Variants in WBP2NL observed in about 807,000 individuals in gnomAD.
WBP2NL encodes WBP2 N-terminal like, also known as postacrosomal sheath WW domain-binding protein.
In WBP2NL, 27 loss-of-function variants were observed where a neutral mutation model predicts 23.3. The observed-to-expected ratio is 1.16, with a 90% confidence interval of 0.85 to 1.60. The LOEUF is 1.60. WBP2NL is among the 40% of genes most tolerant of loss of function. The probability of loss-of-function intolerance (pLI) is 0.00; values close to 1 mark genes in which losing one functional copy is unlikely to be tolerated. For missense variants in WBP2NL, 370 were observed against 389.5 expected (o/e 0.95, Z 0.42); for synonymous variants, 151 against 145.9 (o/e 1.03, Z -0.25).
chr22:42,051,006 T>G (rs1471162032), intron 8 of WBP2NL, among the ~76,000 whole-genome samples: 7 of 152,140 alleles, frequency 4.6e-5, no homozygotes, highest in African/African-American at 1.7e-4. Context: ...TCCAAATGAG[T>G]TGAAAATCTA....
At chr22:42,022,091 C>T (rs1005199144) in intron 4 of WBP2NL, among the ~76,000 whole-genome samples, 158 bp from the exon 5 acceptor site, 5 of 152,184 alleles carry the variant, frequency 3.3e-5, no homozygotes, top group Non-Finnish European at 7.3e-5. Flanking sequence ...TGAGCCACTT[C>T]ACCCAGCCCA....
intron 8 of WBP2NL, among the ~76,000 whole-genome samples, chr22:42,055,475 A>G (rs1432409704): frequency 6.6e-6 from 1 of 152,074 alleles, no homozygotes; most frequent in Non-Finnish European, 1.5e-5. Context: ...GTGCCTGGCA[A>G]TTTCAGTCTT....
At chr22:42,041,481 T>TAA (rs35848343) in intron 8 of WBP2NL, among the ~76,000 whole-genome samples, 158 of 112,788 alleles carry the variant, frequency 1.4e-3, no homozygotes, top group African/African-American at 4.5e-3. Flanking sequence ...GTTCTGTCTT[T>TAA]AAAAAAAAAA....
rs1283125007 is a variant in WBP2NL, at chr22:42,000,627, C to G, written c.62+1747C>G. On this transcript the variant is annotated intron_variant, in intron 1 of 5. Transcript: ENST00000328823. ...CACTGATAAATTGACAGCGAGGAGTCTGTCAAGAATGCTCAAGATAGCCGG... is the reference window on the plus strand; with the variant it reads ...CACTGATAAATTGACAGCGAGGAGTGTGTCAAGAATGCTCAAGATAGCCGG... 2.6e-5 allele frequency among the ~76,000 whole-genome samples: 4 copies of G among 152,110 alleles called. No individual in the cohort carries two copies. In the East Asian group the frequency reaches 7.7e-4, roughly 29 times the overall value.
downstream of WBP2NL, chr22:42,031,279 A>G (rs900530584): frequency 6.6e-6 from 1 of 152,192 alleles, no homozygotes; most frequent in Non-Finnish European, 1.5e-5. Flanking sequence ...TGTATATTCA[A>G]AGGACCCTGG....
chr22:42,052,058 A>G (rs571011754), intron 8 of WBP2NL, among the ~76,000 whole-genome samples: 1 of 152,294 alleles, frequency 6.6e-6, no homozygotes, highest in Admixed American at 6.5e-5. Context: ...TTCTCATTCT[A>G]TAAACCGGTC....
intron 1 of WBP2NL, among the ~76,000 whole-genome samples, chr22:42,012,868 T>C (rs1212970194): frequency 1.3e-5 from 2 of 151,912 alleles, no homozygotes; most frequent in Admixed American, 1.3e-4. Context: ...GGCACGCACC[T>C]GTAGTCCCAG....
chr22:42,052,083 G>T (rs538441539), intron 8 of WBP2NL, among the ~76,000 whole-genome samples: 1 of 152,118 alleles, frequency 6.6e-6, no homozygotes, highest in Admixed American at 6.5e-5. Context: ...TTTTTAGTAA[G>T]GAAAATCATC....
Position 42,027,008 on chromosome 22 carries a change from G to A in WBP2NL, c.757G>A (p.Gly253Arg), listed in dbSNP as rs1321970636. Residue 253 changes from glycine to arginine, a missense_variant, in exon 6 of 6, where the codon GGA becomes AGA. Transcript: ENST00000328823. ...ATATGGAACCCCACCTCTCGGATAT[G>A]GAGCCCCACCTCTCGGATATGGAGC... is the stretch of plus-strand genomic sequence containing the variant. ...LGYGTPPLGY[G>R]APPLGYGAPP... 6.2e-7 allele frequency: 1 copy of A among 1,610,144 alleles called. No individual in the cohort carries two copies. Among genetic ancestry groups the A allele is most frequent in the Non-Finnish European group, 8.5e-7 (1 of 1,176,958 alleles).
At position 42,019,814 on chromosome 22, in the gene WBP2NL, C is replaced by T; in HGVS notation, c.313+11C>T. On this transcript the variant is annotated intron_variant, in intron 3 of 5. Coordinates refer to ENST00000328823, the MANE Select transcript of WBP2NL (RefSeq NM_152613.3). Reference sequence around the variant, plus strand: ...AGGCAGCTCCATATGGTAAGTGTTCCCTCAGAAGTGTGTATTTTTTTTTCC... The same window carrying T: ...AGGCAGCTCCATATGGTAAGTGTTCTCTCAGAAGTGTGTATTTTTTTTTCC... The T allele has an allele frequency of 6.2e-7, 1 of 1,611,940 alleles. No homozygotes were observed. The highest frequency in any genetic ancestry group is 8.5e-7 in the Non-Finnish European group (1 of 1,179,316).
In WBP2NL at chr22:42,019,745, T is replaced by G. The variant is rs1923704560; in HGVS notation, c.255T>G (p.Val85=). The G allele has an allele frequency of 3.1e-6, 5 of 1,614,240 alleles. No individual in the cohort carries two copies. The African/African-American group carries it at 5.3e-5, about 17-fold the overall frequency. The change falls in exon 3 of 6, where the codon GTT becomes GTG. Residue 85 remains valine, a synonymous_variant. Transcript: ENST00000328823. Reference sequence around the variant, plus strand: ...TTGATCTGATGACGAACCTCACTGTTGAACAACCAGTATTTGCTGCAAACT... The same window carrying G: ...TTGATCTGATGACGAACCTCACTGTGGAACAACCAGTATTTGCTGCAAACT... ...MPFDLMTNLT[V]EQPVFAANFI...
At chr22:42,033,070 T>C (rs2213876), downstream of WBP2NL, 11,372 of 163,074 alleles carry the variant, frequency 0.07, 1,452 homozygotes, top group African/African-American at 0.26. Flanking sequence ...CTCATGCTAC[T>C]GGCCTGGATC....
chr22:42,022,834 C>T (rs1022770578), intron 5 of WBP2NL, among the ~76,000 whole-genome samples: 4 of 152,160 alleles, frequency 2.6e-5, no homozygotes, highest in Non-Finnish European at 4.4e-5. Flanking sequence ...TACTGGTGGG[C>T]CACCAAGGGT....
At chr22:42,050,195 T>G (rs1925786643) in intron 8 of WBP2NL, among the ~76,000 whole-genome samples, 3 of 151,948 alleles carry the variant, frequency 2.0e-5, no homozygotes, top group Non-Finnish European at 4.4e-5. Context: ...TAGTCCTAGC[T>G]ACTCGGGAGG....
At chr22:42,046,446 A>G (rs1418875331) in intron 8 of WBP2NL, among the ~76,000 whole-genome samples, 2 of 152,234 alleles carry the variant, frequency 1.3e-5, no homozygotes, top group Admixed American at 6.5e-5. Context: ...CACACATAGA[A>G]TGATGAATAA....
At chr22:42,031,300 GCTGAGGACAAAT>G (rs961611889), downstream of WBP2NL, 1 of 152,132 alleles carries the variant, frequency 6.6e-6, no homozygotes, top group Non-Finnish European at 1.5e-5. Context: ...TTTTTGCTTT[GCTGAGGACAAAT>G]CCAGTCAGAA....
At chr22:42,056,659 C>G (rs1311799792) in intron 8 of WBP2NL, among the ~76,000 whole-genome samples, 1 of 152,014 alleles carries the variant, frequency 6.6e-6, no homozygotes, top group Non-Finnish European at 1.5e-5. Flanking sequence ...TTTTCATAGT[C>G]TTTTTCTTTC....
At chr22:42,038,156 T>C (rs1023961977) in intron 8 of WBP2NL, among the ~76,000 whole-genome samples, 1 of 152,220 alleles carries the variant, frequency 6.6e-6, no homozygotes, top group Non-Finnish European at 1.5e-5. Flanking sequence ...ATTTCTTCCA[T>C]ACTTGTTTTG....
At chr22:42,039,934 G>A (rs1476687393) in intron 8 of WBP2NL, among the ~76,000 whole-genome samples, 3 of 141,988 alleles carry the variant, frequency 2.1e-5, no homozygotes, top group Non-Finnish European at 4.6e-5. Context: ...TCCTCGAGAT[G>A]AAGTCTTGTT....
Sources: gnomAD v4.1 joint callset for allele counts (sites outside exome capture counted in the v4.1 genomes callset) on GRCh38, gnomAD v4.1.1 for gene constraint, MANE v1.5 for transcripts, NCBI Gene and HGNC (gene_info 2026-07-23, HGNC 2026-07-21) for gene names.